SKAP2: variants seen among roughly 807,000 people sequenced by gnomAD.
The protein encoded by SKAP2 is src kinase associated phosphoprotein 2.
A neutral mutation model predicts 54.9 loss-of-function variants in SKAP2; 28 were observed. The ratio of observed to expected loss-of-function variants is 0.51; its 90% CI spans 0.38 to 0.70. The LOEUF (loss-of-function observed/expected upper bound fraction) is 0.70. Ranked by LOEUF, SKAP2 falls within the 30% of genes least tolerant of loss-of-function variation. The probability of loss-of-function intolerance (pLI) is 0.00; values close to 1 mark genes in which losing one functional copy is unlikely to be tolerated. For missense variants in SKAP2, 356 were observed against 424.1 expected (o/e 0.84, Z 1.41); for synonymous variants, 137 against 134.3 (o/e 1.02, Z -0.14).
intron 4 of SKAP2, among the ~76,000 whole-genome samples, chr7:26,833,277 T>G (rs981941491): frequency 6.6e-6 from 1 of 151,456 alleles, no homozygotes; most frequent in Non-Finnish European, 1.5e-5. Context: ...GCACCTGTAG[T>G]CCCAGCTACT....
chr7:26,786,680 C>T (rs1409505018), intron 4 of SKAP2, among the ~76,000 whole-genome samples: 2 of 152,166 alleles, frequency 1.3e-5, no homozygotes, highest in Non-Finnish European at 2.9e-5. Flanking sequence ...ATAATAAACA[C>T]GTGCCCTAGC....
intron 4 of SKAP2, among the ~76,000 whole-genome samples, chr7:26,765,249 CAT>C (rs556524082): frequency 2.0e-5 from 3 of 152,186 alleles, no homozygotes; most frequent in Non-Finnish European, 4.4e-5. Flanking sequence ...AGCTTTCCTT[CAT>C]ATGTTTTTTG....
At chr7:26,786,285 T>C (rs1039288173) in intron 4 of SKAP2, among the ~76,000 whole-genome samples, 8 of 152,182 alleles carry the variant, frequency 5.3e-5, no homozygotes, top group African/African-American at 1.4e-4. Context: ...CATTCTACAA[T>C]TAGGGATACA....
At chr7:26,684,701 C>T in intron 11 of SKAP2, 35 bp downstream of exon 11, 2 of 1,364,754 alleles carry the variant, frequency 1.5e-6, no homozygotes, top group Non-Finnish European at 2.1e-6. Flanking sequence ...TTTGTATTCC[C>T]TCTTTACAAA....
chr7:26,711,605 G>T (rs1787305727), intron 9 of SKAP2, among the ~76,000 whole-genome samples: 1 of 152,208 alleles, frequency 6.6e-6, no homozygotes, highest in African/African-American at 2.4e-5. Context: ...GGTTAGTGAA[G>T]AGTTCAGTCT....
intron 4 of SKAP2, among the ~76,000 whole-genome samples, chr7:26,757,837 C>A (rs966576797): frequency 7.9e-5 from 12 of 152,212 alleles, no homozygotes; most frequent in Non-Finnish European, 1.5e-4. Flanking sequence ...TCTTGGCTCA[C>A]TGCAACCTCT....
intron 4 of SKAP2, among the ~76,000 whole-genome samples, chr7:26,751,369 T>C (rs1447042332): frequency 1.3e-5 from 2 of 152,180 alleles, no homozygotes; most frequent in East Asian, 1.9e-4. Flanking sequence ...AATTGCTGAA[T>C]TAAGGCTCTC....
chr7:26,818,242 A>G (rs765892000), intron 4 of SKAP2, among the ~76,000 whole-genome samples: 2 of 152,216 alleles, frequency 1.3e-5, no homozygotes, highest in Non-Finnish European at 2.9e-5. Context: ...AAACAGATAC[A>G]TAGACCAACG....
chr7:26,841,461 C>T (rs1784814847), intron 4 of SKAP2, among the ~76,000 whole-genome samples: 1 of 152,016 alleles, frequency 6.6e-6, no homozygotes, highest in African/African-American at 2.4e-5. Flanking sequence ...TAAGATTATG[C>T]ATTATTCTCC....
At chr7:26,672,977 T>C (rs1786274915) in intron 11 of SKAP2, among the ~76,000 whole-genome samples, 1 of 152,078 alleles carries the variant, frequency 6.6e-6, no homozygotes, top group Non-Finnish European at 1.5e-5. Flanking sequence ...AATGTGATTA[T>C]GAATGATATA....
chr7:26,676,352 A>T (rs1234478191), intron 11 of SKAP2, among the ~76,000 whole-genome samples: 1 of 152,158 alleles, frequency 6.6e-6, no homozygotes, highest in Admixed American at 6.5e-5. Flanking sequence ...TTTATGATTA[A>T]AAGAAATTAC....
At chr7:26,703,394 C>T (rs2127946884) in intron 9 of SKAP2, among the ~76,000 whole-genome samples, 1 of 152,292 alleles carries the variant, frequency 6.6e-6, no homozygotes, top group African/African-American at 2.4e-5. Context: ...AAGGTAAGTA[C>T]ATTTTAAGCT....
chr7:26,857,563 C>T, intron 1 of SKAP2: 1 of 985,382 alleles, frequency 1.0e-6, no homozygotes, highest in Non-Finnish European at 1.2e-6. Context: ...GATCTCGCAA[C>T]GCAAAGACAG....
chr7:26,776,153 G>C (rs1783303129), intron 4 of SKAP2, among the ~76,000 whole-genome samples: 1 of 151,914 alleles, frequency 6.6e-6, no homozygotes, highest in African/African-American at 2.4e-5. Flanking sequence ...ATTCTCTCCT[G>C]GTCGTTTTAT....
chr7:26,705,845 G>A (rs17154376), intron 9 of SKAP2, among the ~76,000 whole-genome samples: 6,204 of 152,218 alleles, frequency 0.041, 199 homozygotes, highest in South Asian at 0.076. Context: ...GCAGGAGCCT[G>A]TCTCATGGGT....
At chr7:26,774,399 C>A (rs1052017183) in intron 4 of SKAP2, among the ~76,000 whole-genome samples, 7 of 151,994 alleles carry the variant, frequency 4.6e-5, no homozygotes, top group African/African-American at 1.7e-4. Context: ...TACACACACC[C>A]CACATAATAT....
At chr7:26,834,977 C>G (rs901404720) in intron 4 of SKAP2, among the ~76,000 whole-genome samples, 2 of 152,180 alleles carry the variant, frequency 1.3e-5, no homozygotes, top group African/African-American at 4.8e-5. Context: ...TCCAGCAGCA[C>G]ATCAAAAAGC....
chr7:26,821,028 G>A (rs1373818774), intron 4 of SKAP2, among the ~76,000 whole-genome samples: 1 of 152,062 alleles, frequency 6.6e-6, no homozygotes, highest in Non-Finnish European at 1.5e-5. Flanking sequence ...GTCAAACCAG[G>A]ATTAAACCCA....
intron 4 of SKAP2, among the ~76,000 whole-genome samples, chr7:26,802,158 T>C (rs540394870): frequency 1.5e-4 from 22 of 151,458 alleles, no homozygotes; most frequent in Middle Eastern, 3.4e-3. Context: ...AACAGACACA[T>C]AGACCAATGG....
Sources: gnomAD v4.1 joint callset for allele counts (sites outside exome capture counted in the v4.1 genomes callset) on GRCh38, gnomAD v4.1.1 for gene constraint, MANE v1.5 for transcripts, NCBI Gene and HGNC (gene_info 2026-07-23, HGNC 2026-07-21) for gene names.